The following DTX1 variants were observed in gnomAD, a reference collection of about 807,000 sequenced individuals.
DTX1 encodes the protein E3 ubiquitin-protein ligase DTX1.
DTX1 carries 26 observed loss-of-function variants against 57.8 expected under a neutral mutation model. That is an observed-to-expected ratio of 0.45 (90% confidence interval 0.33 to 0.62). The LOEUF is 0.62. Ranked by LOEUF, DTX1 falls within the 20% of genes least tolerant of loss-of-function variation. The pLI, the probability that DTX1 is intolerant of heterozygous loss-of-function variation, is 0.02. For missense variants in DTX1, 704 were observed against 895.3 expected (o/e 0.79, Z 2.73); for synonymous variants, 398 against 394.1 (o/e 1.01, Z -0.12).
At chr12:113,083,413 C>T (rs1020429053) in intron 3 of DTX1, among the ~76,000 whole-genome samples, 1 of 152,064 alleles carries the variant, frequency 6.6e-6, no homozygotes, top group African/African-American at 2.4e-5. Context: ...GCAACCTCCA[C>T]CTCCCAGGTT....
chr12:113,078,711 T>C (rs1471947271), intron 3 of DTX1, among the ~76,000 whole-genome samples: 2 of 152,128 alleles, frequency 1.3e-5, no homozygotes, highest in Non-Finnish European at 2.9e-5. Flanking sequence ...TTAGGATTTT[T>C]AGAGGGCTTC....
intron 2 of DTX1, among the ~76,000 whole-genome samples, chr12:113,073,032 T>G (rs1167865999): frequency 1.3e-5 from 2 of 152,048 alleles, no homozygotes; most frequent in African/African-American, 4.8e-5. Flanking sequence ...CTGAGTTGCT[T>G]GAATCACTTC....
At chr12:113,094,126 G>GGGGGGGGGGGGC in intron 6 of DTX1, 27 bp downstream of exon 6, 1 of 964,912 alleles carries the variant, frequency 1.0e-6, no homozygotes, top group Non-Finnish European at 1.6e-6. Flanking sequence ...GGGGCTGGGG[G>GGGGGGGGGGGGC]AGGGCCCTGG....
intron 3 of DTX1, among the ~76,000 whole-genome samples, chr12:113,083,681 T>C (rs2044834333): frequency 6.6e-6 from 1 of 152,226 alleles, no homozygotes; most frequent in African/African-American, 2.4e-5. Flanking sequence ...CCAAACAATA[T>C]CTCTGTGTGT....
Position 113,077,313 on chromosome 12 carries a change from C to T in DTX1, c.260-111C>T. 7.9e-7 allele frequency: 1 copy of T among 1,269,404 alleles called. No individual in the cohort carries two copies. Among genetic ancestry groups the T allele is most frequent in the Non-Finnish European group, 1.1e-6 (1 of 941,572 alleles). 78.6% of individuals were successfully genotyped at this position (1,269,404 alleles called of 1,614,324 possible). ...AAGTCTGGGTGGACCCCCTGGAGGC[C>T]TGTGCTGACCCCCCAACCTCCCGCC... On this transcript the variant is annotated intron_variant, in intron 2 of 9. Coordinates refer to ENST00000548759, the MANE Select transcript of DTX1 (RefSeq NM_004416.3). This position sits in a 1 kb window ranked among gnomAD's most constrained non-coding sequence, Gnocchi z 7.8.
intron 2 of DTX1, among the ~76,000 whole-genome samples, chr12:113,060,910 G>A (rs1292964606): frequency 6.6e-6 from 1 of 152,014 alleles, no homozygotes; most frequent in Non-Finnish European, 1.5e-5. Context: ...AGCTGGGTTG[G>A]GTATGGGCGG....
In DTX1 at chr12:113,093,437, A is replaced by AGC; in HGVS notation, c.1004-102_1004-101insGC. 54 of 552,002 alleles carry AGC rather than the reference A, an allele frequency of 9.8e-5. No homozygotes were observed. The highest frequency in any genetic ancestry group is 1.4e-4 in the Non-Finnish European group (45 of 319,574). 34.2% of individuals were successfully genotyped at this position (552,002 alleles called of 1,614,324 possible). ...TGAGTGGGTGGGGCCCAAGAGCGCA[A>AGC]CCCTCCCACCCACCCGAGGGCCCCG... On this transcript the variant is annotated intron_variant, in intron 4 of 9. Transcript: ENST00000548759. This position sits in a 1 kb window ranked among gnomAD's most constrained non-coding sequence, Gnocchi z 4.2.
In DTX1 at chr12:113,058,384, G is replaced by T. The variant is rs1421151430; in HGVS notation, c.192G>T (p.Gln64His). The change falls in exon 2 of 10, where the codon CAG becomes CAT. Residue 64 changes from glutamine (Q) to histidine (H), a missense_variant. Physicochemically the swap from Gln to His is conservative, Grantham distance 24. Around this residue, in one of 3 missense-constraint regions of DTX1, gnomAD observed 237 missense variants for 328.6 expected, o/e 0.72. Coordinates refer to ENST00000548759, the MANE Select transcript of DTX1 (RefSeq NM_004416.3). ...EDARGSVVLG[Q>H]VDAQLVPYII... ...CTCGCGGTTCCGTGGTCCTGGGGCA[G>T]GTGGACGCCCAGCTTGTGCCCTACA... 2 of 1,610,184 alleles carry T rather than the reference G, an allele frequency of 1.2e-6. No homozygotes were observed. Among genetic ancestry groups the T allele is most frequent in the Admixed American group, 1.7e-5 (1 of 60,024 alleles).
rs956820701 is a variant in DTX1, at chr12:113,077,093, T to A, written c.260-331T>A. Among the ~76,000 whole-genome samples the A allele has an allele frequency of 5.3e-5, 8 of 152,052 alleles. No individual in the cohort carries two copies. The highest frequency in any genetic ancestry group is 2.0e-4 in the Admixed American group (3 of 15,282). ...ATCTTGGCACCCCCACCCTGTTTGG[T>A]GGCTCTCCCGCCCCTACGCCCAATC... is the stretch of plus-strand genomic sequence containing the variant. On this transcript the variant is annotated intron_variant, in intron 2 of 9. Transcript: ENST00000548759. The surrounding 1 kb of genome is among the most constrained non-coding windows in gnomAD (Gnocchi z 7.8).
At position 113,093,229 on chromosome 12, in the gene DTX1, G is replaced by A; in HGVS notation, c.1003+6G>A. 1 of 1,592,734 alleles carries A rather than the reference G, an allele frequency of 6.3e-7. No individual in the cohort carries two copies. On this transcript the variant is annotated splice_donor_region_variant and intron_variant, in intron 4 of 9. Coordinates refer to ENST00000548759, the MANE Select transcript of DTX1 (RefSeq NM_004416.3). The surrounding 1 kb of genome is among the most constrained non-coding windows in gnomAD (Gnocchi z 4.2). ...GGTCCATCCGGCCCTGGCAGGTGAG[G>A]TCTGGCCCAGGGCGGGAAAGAAGGG...
chr12:113,079,060 G>A (rs118091373), intron 3 of DTX1, among the ~76,000 whole-genome samples: 74 of 152,148 alleles, frequency 4.9e-4, no homozygotes, highest in Non-Finnish European at 9.0e-4. Context: ...CAAATTCTTG[G>A]GTTAAGGTGT....
intron 3 of DTX1, among the ~76,000 whole-genome samples, chr12:113,090,576 TGG>T (rs1391909367): frequency 3.3e-5 from 5 of 152,190 alleles, no homozygotes; most frequent in Admixed American, 2.0e-4. Context: ...GACCAGGTCC[TGG>T]GGGACCCAGG....
intron 3 of DTX1, among the ~76,000 whole-genome samples, chr12:113,079,197 A>C (rs1429242699): frequency 6.6e-6 from 1 of 152,134 alleles, no homozygotes; most frequent in East Asian, 1.9e-4. Context: ...AAAGACCTTG[A>C]ACTTGGGACA....
intron 6 of DTX1, 57 bp downstream of exon 6, chr12:113,094,156 C>G (rs2136067625): frequency 6.8e-7 from 1 of 1,477,352 alleles, no homozygotes; most frequent in East Asian, 2.5e-5. Context: ...GGCAGGAACC[C>G]TCACCCCTCC....
chr12:113,091,706 G>C (rs928652413), intron 3 of DTX1, among the ~76,000 whole-genome samples: 5 of 152,172 alleles, frequency 3.3e-5, no homozygotes, highest in Admixed American at 6.5e-5. Context: ...GGTGCCAACT[G>C]TGCCTGCCAA....
At position 113,093,658 on chromosome 12, in the gene DTX1, C is replaced by T. The variant is rs1252357805; in HGVS notation, c.1123C>T (p.Pro375Ser). 1.9e-6 allele frequency: 3 copies of T among 1,613,772 alleles called. No individual in the cohort carries two copies. Among genetic ancestry groups the T allele is most frequent in the Non-Finnish European group, 2.5e-6 (3 of 1,179,936 alleles). Reference protein sequence around the residue: ...KSDVKPVPGVPGVCRKTKKKH... With the variant: ...KSDVKPVPGVSGVCRKTKKKH... The stretch of plus-strand genomic sequence containing the variant: ...CGACGTGAAGCCCGTGCCTGGCGTG[C>T]CCGGGGTGTGCCGCAAGACCAAGAA... The change falls in exon 5 of 10, where the codon CCC becomes TCC. Residue 375 changes from proline (P) to serine (S), a missense_variant. By Grantham distance (74) the Pro-to-Ser change is moderately conservative (BLOSUM62 -1). Around this residue, in one of 3 missense-constraint regions of DTX1, gnomAD observed 299 missense variants for 311.2 expected, o/e 0.96. Transcript: ENST00000548759. The surrounding 1 kb of genome is among the most constrained non-coding windows in gnomAD (Gnocchi z 4.2).
chr12:113,060,281 G>A (rs1277048839), intron 2 of DTX1, among the ~76,000 whole-genome samples: 1 of 152,198 alleles, frequency 6.6e-6, no homozygotes, highest in Non-Finnish European at 1.5e-5. Context: ...ACAGCAGGGA[G>A]CAAGACAAAG....
chr12:113,094,075 G>C lies in DTX1; in HGVS notation c.1203G>C (p.Gln401His). Residue 401 changes from glutamine to histidine, a missense_variant, in exon 6 of 10, where the codon CAG becomes CAC. Physicochemically the swap from Gln to His is conservative, Grantham distance 24 (BLOSUM62 0). Transcript: ENST00000548759. ...AGGATGTGGTTCGAAGATACATGCA[G>C]AAGGTGAAAAACCCACCTGATGAGG... ...NPEDVVRRYM[Q>H]KVKNPPDEDC... 6.9e-7 allele frequency: 1 copy of C among 1,456,446 alleles called. No individual in the cohort carries two copies. The highest frequency in any genetic ancestry group is 9.2e-7 in the Non-Finnish European group (1 of 1,082,302). 90.2% of individuals were successfully genotyped at this position (1,456,446 alleles called of 1,614,324 possible). A position where few individuals can be genotyped will look rare whatever the true frequency, so the allele number is the denominator to read the frequency against.
chr12:113,093,553 C>A lies in DTX1; in HGVS notation c.1018C>A (p.Leu340Met), dbSNP rs757308877. ...CTAACCCCCAGGGATGACCGGGATACTGCTGTGCGCGGCCGGGCTGCCCGT... is the reference window on the plus strand; with the variant it reads ...CTAACCCCCAGGGATGACCGGGATAATGCTGTGCGCGGCCGGGCTGCCCGT... ...HPALAGMTGI[L>M]LCAAGLPVCL... Residue 340 changes from leucine (L) to methionine (M), a missense_variant, in exon 5 of 10, where the codon CTG becomes ATG. Leu to Met is a conservative substitution (Grantham distance 15). Coordinates refer to ENST00000548759, the MANE Select transcript of DTX1 (RefSeq NM_004416.3). The surrounding 1 kb of genome is among the most constrained non-coding windows in gnomAD (Gnocchi z 4.2). 1 of 1,608,290 alleles carries A rather than the reference C, an allele frequency of 6.2e-7. No individual in the cohort carries two copies. The highest frequency in any genetic ancestry group is 8.5e-7 in the Non-Finnish European group (1 of 1,177,694).
Sources: gnomAD v4.1 joint callset for allele counts (sites outside exome capture counted in the v4.1 genomes callset) on GRCh38, gnomAD v4.1.1 for gene constraint, gnomAD v4.1.1 regional missense constraint, Gnocchi (gnomAD v3.1) non-coding constraint, MANE v1.5 for transcripts, NCBI Gene and HGNC (gene_info 2026-07-23, HGNC 2026-07-21) for gene names.